Variants in CEP70 observed in about 807,000 individuals in gnomAD.
CEP70 encodes the protein centrosomal protein of 70 kDa.
A neutral mutation model predicts 90.9 loss-of-function variants in CEP70; 70 were observed. The ratio of observed to expected loss-of-function variants is 0.77; its 90% CI spans 0.64 to 0.94. The LOEUF is 0.94. Among genes scored for constraint, CEP70 ranks in the 40% least tolerant of loss-of-function variants. The pLI, the probability that CEP70 is intolerant of heterozygous loss-of-function variation, is 0.00. For synonymous variants in CEP70, 220 were observed against 228.3 expected, an observed-to-expected ratio of 0.96 and a Z score of 0.33; for missense variants, 648 against 669.0, an observed-to-expected ratio of 0.97 and a Z score of 0.35.
At chr3:138,550,617 C>T (rs1319933759) in intron 6 of CEP70, among the ~76,000 whole-genome samples, 3 of 152,200 alleles carry the variant, frequency 2.0e-5, no homozygotes, top group African/African-American at 4.8e-5. Flanking sequence ...CCCGCCTCAG[C>T]CTCCCAAAGT....
intron 17 of CEP70, chr3:138,495,846 T>A: frequency 1.0e-6 from 1 of 980,620 alleles, no homozygotes; most frequent in Non-Finnish European, 1.2e-6. Context: ...AGAGCAAGAC[T>A]ATGTCTCAAA....
At chr3:138,501,884 A>G (rs1200340280) in intron 13 of CEP70, among the ~76,000 whole-genome samples, 1 of 152,220 alleles carries the variant, frequency 6.6e-6, no homozygotes, top group African/African-American at 2.4e-5. Flanking sequence ...TGAATTTCGG[A>G]TTTTTGGATC....
chr3:138,517,841 C>CAGTG (rs1467469126), intron 11 of CEP70, among the ~76,000 whole-genome samples: 1 of 152,106 alleles, frequency 6.6e-6, no homozygotes, highest in Admixed American at 6.5e-5. Flanking sequence ...GGGTGCAGGA[C>CAGTG]AGTGGGTGCA....
chr3:138,545,893 G>A (rs1275273030), intron 6 of CEP70, among the ~76,000 whole-genome samples: 2 of 152,150 alleles, frequency 1.3e-5, no homozygotes, highest in Non-Finnish European at 2.9e-5. Flanking sequence ...CTCAAACCCT[G>A]TTTTCTGTTG....
chr3:138,569,274 C>T (rs893645256), intron 6 of CEP70, among the ~76,000 whole-genome samples: 3 of 152,132 alleles, frequency 2.0e-5, no homozygotes, highest in Non-Finnish European at 4.4e-5. Context: ...AGGGGACTTC[C>T]AGACCCTGCC....
intron 8 of CEP70, chr3:138,530,700 T>G: frequency 2.0e-6 from 2 of 985,442 alleles, no homozygotes; most frequent in Non-Finnish European, 2.4e-6. Flanking sequence ...AATCTTGGCC[T>G]GGCTTCCCCC....
intron 6 of CEP70, among the ~76,000 whole-genome samples, chr3:138,551,228 A>G (rs139747013): frequency 2.1e-4 from 32 of 152,346 alleles, no homozygotes; most frequent in African/African-American, 7.7e-4. Flanking sequence ...CTCCTTAAAC[A>G]AAACAATTAT....
In CEP70 at chr3:138,537,217, T is replaced by G; in HGVS notation, c.596A>C (p.Tyr199Ser). 1 of 1,599,340 alleles carries G rather than the reference T, an allele frequency of 6.3e-7. No individual in the cohort carries two copies. Residue 199 changes from tyrosine to serine, a missense_variant, in exon 7 of 18, where the codon TAT becomes TCT. By Grantham distance (144) the Tyr-to-Ser change is moderately radical (BLOSUM62 -2). Transcript: ENST00000264982. ...RIVTQNRVFA[Y>S]LCKRVPHTVL... ...GGTATGAGGAACTCTTTTGCACAGA[T>G]AGGCAAACACTCTGTTTTGAGTGAC... is the stretch of plus-strand genomic sequence containing the variant.
intron 3 of CEP70, among the ~76,000 whole-genome samples, chr3:138,571,793 T>C (rs956176440): frequency 6.6e-6 from 1 of 152,154 alleles, no homozygotes; most frequent in Non-Finnish European, 1.5e-5. Flanking sequence ...TTTTCTTTCT[T>C]TTTGAGACAG....
rs1270833778 is a variant in CEP70 at position 138,500,728 on chromosome 3, G to C, written c.1368+7C>G. ...CATTAGAAGGTGACCGTTCATGTAG[G>C]TATTACCTTTTCCTTATTTTCAACT... On this transcript the variant is annotated splice_region_variant and intron_variant, in intron 14 of 17. Coordinates refer to ENST00000264982, the MANE Select transcript of CEP70 (RefSeq NM_024491.4). 6.3e-7 allele frequency: 1 copy of C among 1,587,118 alleles called. No individual in the cohort carries two copies. The highest frequency in any genetic ancestry group is 1.8e-5 in the Admixed American group (1 of 55,044).
chr3:138,537,080 A>G (rs976587328), intron 7 of CEP70, 98 bp downstream of exon 7: 22 of 735,724 alleles, frequency 3.0e-5, no homozygotes, highest in Non-Finnish European at 3.6e-5. Context: ...TTTCTAGTTT[A>G]TAAGAGTTAT....
Position 138,560,373 on chromosome 3 carries a change from G to A in CEP70, c.465+9945C>T, listed in dbSNP as rs149366485. 5.7e-3 allele frequency among the ~76,000 whole-genome samples: 867 copies of A among 152,274 alleles called. 7 individuals are homozygous for A. The highest frequency in any genetic ancestry group is 0.02 in the African/African-American group (830 of 41,552). ...CCATGGTCTTCACAACCTGCAGACC[G>A]GAAGATTCCCTCCAGTGTCTATGCC... On this transcript the variant is annotated intron_variant, in intron 6 of 17. Coordinates refer to ENST00000264982, the MANE Select transcript of CEP70 (RefSeq NM_024491.4).
At position 138,545,653 on chromosome 3, in the gene CEP70, T is replaced by A. The variant is rs139616896; in HGVS notation, c.466-8306A>T. Among the ~76,000 whole-genome samples the A allele has an allele frequency of 5.6e-3, 860 of 152,220 alleles. 7 individuals carry two copies. Among genetic ancestry groups the A allele is most frequent in the African/African-American group, 0.02 (828 of 41,532 alleles). On this transcript the variant is annotated intron_variant, in intron 6 of 17. Coordinates refer to ENST00000264982, the MANE Select transcript of CEP70 (RefSeq NM_024491.4). ...GAGAGCCTATAAATGGATGTACAAGTAGGAGAGATACCGCTGAATTCTTTT... is the reference window on the plus strand; with the variant it reads ...GAGAGCCTATAAATGGATGTACAAGAAGGAGAGATACCGCTGAATTCTTTT...
chr3:138,557,664 G>A (rs1406624158), intron 6 of CEP70, among the ~76,000 whole-genome samples: 1 of 152,146 alleles, frequency 6.6e-6, no homozygotes, highest in Non-Finnish European at 1.5e-5. Context: ...CAGAGGGAAA[G>A]GGTGAAAAGG....
intron 6 of CEP70, among the ~76,000 whole-genome samples, chr3:138,562,021 T>C (rs2040442183): frequency 5.8e-5 from 4 of 68,606 alleles, no homozygotes; most frequent in Non-Finnish European, 1.1e-4. Context: ...AGACGCCGTC[T>C]CAAAAAAAAA....
At chr3:138,534,859 T>C (rs2038126953) in intron 7 of CEP70, among the ~76,000 whole-genome samples, 1 of 152,226 alleles carries the variant, frequency 6.6e-6, no homozygotes, top group South Asian at 2.1e-4. Flanking sequence ...CTTTGACTCC[T>C]CCACTCCTTT....
intron 13 of CEP70, among the ~76,000 whole-genome samples, chr3:138,501,338 T>C (rs1254007348): frequency 6.6e-6 from 1 of 152,188 alleles, no homozygotes; most frequent in African/African-American, 2.4e-5. Flanking sequence ...TTCAGTAGTT[T>C]TAATATTTTC....
At chr3:138,565,986 AC>A (rs2040757734) in intron 6 of CEP70, among the ~76,000 whole-genome samples, 1 of 152,300 alleles carries the variant, frequency 6.6e-6, no homozygotes, top group Non-Finnish European at 1.5e-5. Flanking sequence ...AAGAAAAAAA[AC>A]AAACAACCCC....
intron 6 of CEP70, among the ~76,000 whole-genome samples, chr3:138,538,374 C>T (rs1009691616): frequency 6.6e-6 from 1 of 152,078 alleles, no homozygotes; most frequent in South Asian, 2.1e-4. Context: ...CTGGGGTATC[C>T]CATTTGGGAT....
Sources: gnomAD v4.1 joint callset for allele counts (sites outside exome capture counted in the v4.1 genomes callset) on GRCh38, gnomAD v4.1.1 for gene constraint, MANE v1.5 for transcripts, NCBI Gene and HGNC (gene_info 2026-07-23, HGNC 2026-07-21) for gene names.